Variants in ROBO2 observed in about 807,000 individuals in gnomAD.
ROBO2 encodes roundabout homolog 2.
In ROBO2, 53 loss-of-function variants were observed where a neutral mutation model predicts 160.8. The observed-to-expected ratio is 0.33, with a 90% CI of 0.26 to 0.41. ROBO2 has a LOEUF of 0.41. Among genes scored for constraint, ROBO2 ranks in the 10% least tolerant of loss-of-function variants. The pLI is 1.00. For missense variants in ROBO2, 1,577 were observed against 1,722.4 expected, an observed-to-expected ratio of 0.92 and a Z score of 1.49; for synonymous variants, 664 against 611.7, an observed-to-expected ratio of 1.09 and a Z score of -1.26.
rs1325721108 is a variant in ROBO2, at chr3:76,604,680, G to A, written c.110-493334G>A. On this transcript the variant is annotated intron_variant, in intron 2 of 26. Transcript: ENST00000487694. Reference sequence around the variant, plus strand: ...TCTAGTTAATTGTTATTGTAGTTATGCTACTCAAATGCCAGGAAGTTTTCA... The same window carrying A: ...TCTAGTTAATTGTTATTGTAGTTATACTACTCAAATGCCAGGAAGTTTTCA... Among the ~76,000 whole-genome samples, 6 of 152,204 alleles carry A rather than the reference G, an allele frequency of 3.9e-5. No homozygotes were observed. The South Asian group carries it at 1.0e-3, about 26-fold the overall frequency.
intron 2 of ROBO2, among the ~76,000 whole-genome samples, chr3:76,072,212 C>T (rs2068482822): frequency 6.7e-6 from 1 of 148,218 alleles, no homozygotes. Flanking sequence ...ATCTCCGAGG[C>T]TGGATAGTAG....
chr3:76,141,177 A>ATATATATATG (rs1553656221), intron 2 of ROBO2, among the ~76,000 whole-genome samples: 6 of 103,216 alleles, frequency 5.8e-5, no homozygotes, highest in African/African-American at 1.8e-4. Flanking sequence ...ATATATATAT[A>ATATATATATG]TATATATATA....
intron 2 of ROBO2, among the ~76,000 whole-genome samples, chr3:77,006,471 A>G (rs900555100): frequency 2.0e-5 from 3 of 152,072 alleles, no homozygotes; most frequent in Admixed American, 6.6e-5. Context: ...TTCAAAAGTT[A>G]CTTTAGAAAT....
chr3:76,225,321 C>A (rs1429218046), intron 2 of ROBO2, among the ~76,000 whole-genome samples: 1 of 152,124 alleles, frequency 6.6e-6, no homozygotes, highest in Non-Finnish European at 1.5e-5. Context: ...TAGCCCATTG[C>A]AAAATATGTG....
intron 2 of ROBO2, among the ~76,000 whole-genome samples, chr3:77,421,298 C>T (rs1334963251): frequency 6.6e-6 from 1 of 151,984 alleles, no homozygotes; most frequent in African/African-American, 2.4e-5. Flanking sequence ...ATGGTTATCC[C>T]ATTAATATTT....
intron 25 of ROBO2, among the ~76,000 whole-genome samples, chr3:77,645,266 A>C (rs2095401226): frequency 6.6e-6 from 1 of 151,942 alleles, no homozygotes; most frequent in Admixed American, 6.6e-5. Flanking sequence ...TTTTAAAGAA[A>C]CTCCTAAGGA....
At position 76,355,848 on chromosome 3, in the gene ROBO2, T is replaced by C. The variant is rs1576626855; in HGVS notation, c.109+418246T>C. ...TTATTCAGAGGTTTACTTTGGCTTT[T>C]GGAATTATTGAATTGAATCTATTAA... On this transcript the variant is annotated intron_variant, in intron 2 of 26. Coordinates refer to the ROBO2 transcript ENST00000487694. Among the ~76,000 whole-genome samples, 3 of 151,842 alleles carry C rather than the reference T, an allele frequency of 2.0e-5. No individual in the cohort carries two copies. The East Asian group carries it at 5.8e-4, about 29-fold the overall frequency.
chr3:76,322,125 T>C (rs1366984062), intron 2 of ROBO2, among the ~76,000 whole-genome samples: 1 of 143,928 alleles, frequency 6.9e-6, no homozygotes, highest in African/African-American at 2.6e-5. Context: ...GCAAATCATC[T>C]TCTGAAGTGG....
At chr3:76,100,131 T>C (rs1322139621) in intron 2 of ROBO2, among the ~76,000 whole-genome samples, 2 of 152,210 alleles carry the variant, frequency 1.3e-5, no homozygotes, top group Non-Finnish European at 2.9e-5. Context: ...ATTCAATTCC[T>C]TGGAACCCAT....
chr3:77,522,585 G>T (rs2090716583), intron 5 of ROBO2, among the ~76,000 whole-genome samples, 190 bp from the exon 6 acceptor site: 1 of 151,212 alleles, frequency 6.6e-6, no homozygotes, highest in Admixed American at 6.6e-5. Context: ...AACAGCTAAA[G>T]ATCAGATATG....
intron 2 of ROBO2, among the ~76,000 whole-genome samples, chr3:77,452,121 A>G (rs2081183017): frequency 6.6e-6 from 1 of 152,150 alleles, no homozygotes. Flanking sequence ...CCCTAGACAA[A>G]AATGAATATC....
intron 2 of ROBO2, among the ~76,000 whole-genome samples, chr3:76,595,683 T>G (rs954273811): frequency 6.6e-6 from 1 of 152,096 alleles, no homozygotes; most frequent in Non-Finnish European, 1.5e-5. Context: ...ACCACTGATG[T>G]ATGGTTCCCT....
intron 2 of ROBO2, among the ~76,000 whole-genome samples, chr3:76,118,914 G>A (rs1351370382): frequency 6.6e-6 from 1 of 152,020 alleles, no homozygotes; most frequent in African/African-American, 2.4e-5. Flanking sequence ...AGAATGTCAG[G>A]GCTCTTGGCT....
intron 6 of ROBO2, among the ~76,000 whole-genome samples, chr3:77,528,314 C>A (rs80298370): frequency 0.042 from 6,431 of 151,596 alleles, 435 homozygotes; most frequent in African/African-American, 0.14. Context: ...TTAATAACAA[C>A]TTATTCAATT....
Position 75,925,162 on chromosome 3 carries a change from G to A in ROBO2, c.-13-12319G>A, listed in dbSNP as rs562455628. Among the ~76,000 whole-genome samples the A allele has an allele frequency of 4.6e-5, 7 of 152,126 alleles. No individual in the cohort carries two copies. In the South Asian group the frequency reaches 1.0e-3, roughly 23 times the overall value. On this transcript the variant is annotated intron_variant, in intron 1 of 26. Transcript: ENST00000487694. ...CATCCCAGCACTTTGGGAGGCCGGG[G>A]CAGACGGGTTGCTTGAGCCCAGGAG...
chr3:76,878,859 G>T (rs905432682), intron 2 of ROBO2, among the ~76,000 whole-genome samples: 3 of 152,028 alleles, frequency 2.0e-5, no homozygotes, highest in East Asian at 1.9e-4. Context: ...AACAAACAGG[G>T]TTAATGTTCA....
intron 1 of ROBO2, among the ~76,000 whole-genome samples, chr3:77,079,273 A>G (rs2068365522): frequency 6.6e-6 from 1 of 152,182 alleles, no homozygotes; most frequent in South Asian, 2.1e-4. Flanking sequence ...TAATTCAACT[A>G]TTAATACTTT....
intron 2 of ROBO2, among the ~76,000 whole-genome samples, chr3:76,473,292 T>A (rs961854021): frequency 3.3e-5 from 5 of 152,224 alleles, no homozygotes; most frequent in African/African-American, 1.2e-4. Flanking sequence ...AGTACCTGAG[T>A]GCTCCAACTC....
At chr3:76,223,419 G>GGGAGGCCACTTTCACCCAGGGTA (rs1704100137) in intron 2 of ROBO2, among the ~76,000 whole-genome samples, 1 of 151,594 alleles carries the variant, frequency 6.6e-6, no homozygotes, top group Non-Finnish European at 1.5e-5. Flanking sequence ...CACCCAGGGT[G>GGGAGGCCACTTTCACCCAGGGTA]GGGAGGCTAC....
Sources: gnomAD v4.1 joint callset for allele counts (sites outside exome capture counted in the v4.1 genomes callset) on GRCh38, gnomAD v4.1.1 for gene constraint, MANE v1.5 for transcripts, NCBI Gene and HGNC (gene_info 2026-07-23, HGNC 2026-07-21) for gene names.